Variants in CNTNAP5 observed in about 807,000 individuals in gnomAD.
CNTNAP5 encodes the protein contactin associated protein family member 5, also known as contactin-associated protein-like 5.
CNTNAP5 carries 72 observed loss-of-function variants against 150.2 expected under a neutral mutation model. That is an observed-to-expected ratio of 0.48 (90% confidence interval 0.40 to 0.58). The LOEUF (loss-of-function observed/expected upper bound fraction) is 0.58, where lower values mean the gene tolerates loss of function less well. Among genes scored for constraint, CNTNAP5 ranks in the 20% least tolerant of loss-of-function variants. The pLI is 0.00. For synonymous variants in CNTNAP5, 672 were observed against 619.8 expected (o/e 1.08, Z -1.25); for missense variants, 1,636 against 1,626.2 (o/e 1.01, Z -0.10).
chr2:124,650,440 T>C (rs554872565), intron 13 of CNTNAP5, among the ~76,000 whole-genome samples: 38 of 152,268 alleles, frequency 2.5e-4, no homozygotes, highest in African/African-American at 8.4e-4. Flanking sequence ...AAAAACAATA[T>C]ATAACATTTG....
chr2:124,107,767 C>A (rs1423889158), intron 1 of CNTNAP5, among the ~76,000 whole-genome samples: 1 of 152,166 alleles, frequency 6.6e-6, no homozygotes, highest in Non-Finnish European at 1.5e-5. Context: ...GTTAAGGATG[C>A]ACATGCATGA....
intron 21 of CNTNAP5, among the ~76,000 whole-genome samples, chr2:124,885,904 T>A (rs1678070932): frequency 6.6e-6 from 1 of 152,066 alleles, no homozygotes; most frequent in African/African-American, 2.4e-5. Flanking sequence ...TTTTGGCTGT[T>A]GTATAAATAG....
At chr2:124,387,064 C>A (rs985045437) in intron 3 of CNTNAP5, among the ~76,000 whole-genome samples, 1 of 152,208 alleles carries the variant, frequency 6.6e-6, no homozygotes, top group Non-Finnish European at 1.5e-5. Context: ...GCACCCTGAT[C>A]TCAGATTGCC....
At chr2:124,169,058 G>T (rs1358674) in intron 1 of CNTNAP5, among the ~76,000 whole-genome samples, 1 of 152,046 alleles carries the variant, frequency 6.6e-6, no homozygotes, top group African/African-American at 2.4e-5. Context: ...TCGGAGCACT[G>T]CCTCCATGTT....
chr2:124,497,308 G>T (rs1444123874), intron 7 of CNTNAP5, among the ~76,000 whole-genome samples: 5 of 152,130 alleles, frequency 3.3e-5, no homozygotes, highest in Non-Finnish European at 5.9e-5. Flanking sequence ...TTGACTAGAG[G>T]TATAATGCCC....
At chr2:124,600,873 T>C (rs936898940) in intron 11 of CNTNAP5, among the ~76,000 whole-genome samples, 6 of 151,654 alleles carry the variant, frequency 4.0e-5, no homozygotes, top group African/African-American at 1.5e-4. Flanking sequence ...ATTAACATAA[T>C]TATAATGCTG....
intron 5 of CNTNAP5, among the ~76,000 whole-genome samples, chr2:124,435,186 G>T (rs1467090583): frequency 6.6e-6 from 1 of 152,060 alleles, no homozygotes; most frequent in African/African-American, 2.4e-5. Flanking sequence ...TTTTCTTTAG[G>T]TGCCCTCACT....
chr2:124,352,254 T>C (rs1689889355), intron 3 of CNTNAP5, among the ~76,000 whole-genome samples: 1 of 152,192 alleles, frequency 6.6e-6, no homozygotes, highest in Admixed American at 6.5e-5. Context: ...GTTGACCAAG[T>C]AATTTTGAAG....
chr2:124,091,044 G>A (rs1682801668), intron 1 of CNTNAP5, among the ~76,000 whole-genome samples: 1 of 152,172 alleles, frequency 6.6e-6, no homozygotes. Context: ...TTAAAGATGT[G>A]TAGGGTTTGG....
In CNTNAP5 at chr2:124,747,085, G is replaced by A. The variant is rs115445692; in HGVS notation, c.2078-144G>A. On this transcript the variant is annotated intron_variant, in intron 13 of 23. Transcript: ENST00000682447. The stretch of plus-strand genomic sequence containing the variant: ...AAAGCAAGCAAAGGGAAGGGGGGAT[G>A]TGAGGGAGGGAAGAAGACAGGAAGG... The A allele has an allele frequency of 2.3e-3, 1,463 of 641,344 alleles. 21 individuals carry two copies. The African/African-American group carries it at 0.024, about 10-fold the overall frequency. The allele number at this position is 641,344 out of a possible 1,614,324, so 39.7% of individuals were successfully genotyped here.
chr2:124,745,273 G>GT (rs1680581657), intron 13 of CNTNAP5, among the ~76,000 whole-genome samples: 1 of 152,190 alleles, frequency 6.6e-6, no homozygotes, highest in African/African-American at 2.4e-5. Flanking sequence ...CATAAACAAA[G>GT]TATCTCTTGC....
chr2:124,412,882 G>T (rs1208355353), intron 3 of CNTNAP5, among the ~76,000 whole-genome samples: 1 of 104,216 alleles, frequency 9.6e-6, no homozygotes, highest in Non-Finnish European at 1.9e-5. Context: ...TGACAAATGG[G>T]ATCTAATTAA....
chr2:124,763,530 A>T lies in CNTNAP5; in HGVS notation c.2235-142A>T, dbSNP rs1193268967. 5.9e-6 allele frequency: 4 copies of T among 680,382 alleles called. No homozygotes were observed. In the East Asian group the frequency reaches 1.1e-4, roughly 19 times the overall value. 42.1% of individuals were successfully genotyped at this position (680,382 alleles called of 1,614,324 possible). A position where few individuals can be genotyped will look rare whatever the true frequency, so the allele number is the denominator to read the frequency against. On this transcript the variant is annotated intron_variant, in intron 14 of 23. Coordinates refer to ENST00000682447, the MANE Select transcript of CNTNAP5 (RefSeq NM_001367498.1). Reference sequence around the variant, plus strand: ...CCTTCCCTTCACATACACTTAGGCGATGAAAGGCCTTCTGTTTTCCCCCTC... The same window carrying T: ...CCTTCCCTTCACATACACTTAGGCGTTGAAAGGCCTTCTGTTTTCCCCCTC...
chr2:124,386,449 G>C (rs764505665), intron 3 of CNTNAP5, among the ~76,000 whole-genome samples: 19 of 152,314 alleles, frequency 1.2e-4, no homozygotes, highest in South Asian at 4.1e-4. Context: ...AATATGCAGG[G>C]ATAGTGATGT....
intron 7 of CNTNAP5, among the ~76,000 whole-genome samples, chr2:124,475,299 G>T (rs192326212): frequency 1.3e-5 from 2 of 151,972 alleles, no homozygotes; most frequent in East Asian, 3.9e-4. Context: ...TTTAAATGAG[G>T]GAGATTAAAC....
At chr2:124,355,990 T>C (rs1336715752) in intron 3 of CNTNAP5, among the ~76,000 whole-genome samples, 1 of 152,144 alleles carries the variant, frequency 6.6e-6, no homozygotes, top group Non-Finnish European at 1.5e-5. Flanking sequence ...ATATATTTTA[T>C]AAATCTGTGA....
At chr2:124,814,335 C>T (rs1682303647) in intron 19 of CNTNAP5, among the ~76,000 whole-genome samples, 1 of 151,676 alleles carries the variant, frequency 6.6e-6, no homozygotes, top group African/African-American at 2.4e-5. Context: ...GGGAAGCTTT[C>T]CTGGTCCCCT....
chr2:124,906,925 T>C (rs1314276867), intron 22 of CNTNAP5, among the ~76,000 whole-genome samples: 2 of 152,114 alleles, frequency 1.3e-5, no homozygotes, highest in African/African-American at 4.8e-5. Flanking sequence ...TTAACTTCCA[T>C]AGTTAGTGGA....
intron 1 of CNTNAP5, among the ~76,000 whole-genome samples, chr2:124,170,712 G>C (rs1684910099): frequency 6.6e-6 from 1 of 152,142 alleles, no homozygotes; most frequent in African/African-American, 2.4e-5. Flanking sequence ...ATGGCTGCCT[G>C]GCTGCCTCTA....
Sources: gnomAD v4.1 joint callset for allele counts (sites outside exome capture counted in the v4.1 genomes callset) on GRCh38, gnomAD v4.1.1 for gene constraint, MANE v1.5 for transcripts, NCBI Gene and HGNC (gene_info 2026-07-23, HGNC 2026-07-21) for gene names.